SORCS3: variants seen among roughly 807,000 people sequenced by gnomAD.
SORCS3 encodes the protein sortilin related VPS10 domain containing receptor 3.
SORCS3 carries 57 observed loss-of-function variants against 146.3 expected under a neutral mutation model. The observed-to-expected ratio is 0.39, with a 90% CI of 0.31 to 0.49. SORCS3 has a LOEUF of 0.49. SORCS3 is among the 20% of genes least tolerant of loss of function. The pLI, the probability that SORCS3 is intolerant of heterozygous loss-of-function variation, is 0.92. For synonymous variants in SORCS3, 653 were observed against 618.5 expected, an observed-to-expected ratio of 1.06 and a Z score of -0.83; for missense variants, 1,341 against 1,575.5, an observed-to-expected ratio of 0.85 and a Z score of 2.52.
intron 14 of SORCS3, among the ~76,000 whole-genome samples, chr10:105,193,397 A>G (rs1335365723): frequency 6.6e-6 from 1 of 152,218 alleles, no homozygotes; most frequent in Admixed American, 6.6e-5. Context: ...TCTATCATTA[A>G]TCAACCCAGA....
chr10:105,264,482 T>A lies in SORCS3; in HGVS notation c.*1108T>A, dbSNP rs1432603443. 6.6e-6 allele frequency: 1 copy of A among 152,288 alleles called. No homozygotes were observed. The highest frequency in any genetic ancestry group is 6.5e-5 in the Admixed American group (1 of 15,280). 9.4% of individuals were successfully genotyped at this position (152,288 alleles called of 1,614,324 possible). On this transcript the variant is annotated 3_prime_UTR_variant, in exon 27 of 27. Transcript: ENST00000369701. ...TCAGAAAAGTCCCCTGGGCACTAGG[T>A]AAAGCCCAGTGAATGTCTCTTGGCA...
rs11192239 is a variant in SORCS3, at chr10:104,938,083, C to T, written c.795+22151C>T. On this transcript the variant is annotated intron_variant, in intron 3 of 26. Coordinates refer to ENST00000369701, the MANE Select transcript of SORCS3 (RefSeq NM_014978.3). Reference sequence around the variant, plus strand: ...CACTTCCAGGACTCCCTATGCATCACGAGCCCATTCAGCCTCAGCTTGCTT... The same window carrying T: ...CACTTCCAGGACTCCCTATGCATCATGAGCCCATTCAGCCTCAGCTTGCTT... Among the ~76,000 whole-genome samples, 768 of 152,266 alleles carry T rather than the reference C, an allele frequency of 5.0e-3. 7 individuals are homozygous for T. The highest frequency in any genetic ancestry group is 0.025 in the East Asian group (127 of 5,168).
intron 7 of SORCS3, among the ~76,000 whole-genome samples, chr10:105,106,338 C>A (rs2055821679): frequency 6.6e-6 from 1 of 152,208 alleles, no homozygotes; most frequent in Non-Finnish European, 1.5e-5. Context: ...CTCTACCTGA[C>A]CCCTGGTAGT....
At chr10:104,774,481 A>G (rs768408506) in intron 1 of SORCS3, among the ~76,000 whole-genome samples, 6 of 152,212 alleles carry the variant, frequency 3.9e-5, no homozygotes, top group Non-Finnish European at 8.8e-5. Flanking sequence ...TGTGTTGATT[A>G]CTTAAGGATA....
intron 1 of SORCS3, among the ~76,000 whole-genome samples, chr10:104,828,988 C>G (rs779903733): frequency 1.1e-4 from 16 of 152,130 alleles, no homozygotes; most frequent in Non-Finnish European, 2.4e-4. Context: ...AGAGTTTAAA[C>G]TTTTTCCATC....
chr10:104,742,380 A>G (rs1034257016), intron 1 of SORCS3, among the ~76,000 whole-genome samples: 1 of 152,188 alleles, frequency 6.6e-6, no homozygotes, highest in African/African-American at 2.4e-5. Context: ...GGCAGCATAG[A>G]AGGGGGTCTC....
At chr10:105,173,917 T>C (rs963990287) in intron 13 of SORCS3, among the ~76,000 whole-genome samples, 1 of 152,212 alleles carries the variant, frequency 6.6e-6, no homozygotes, top group Admixed American at 6.5e-5. Context: ...AGAAAGGGCT[T>C]TCTTAAATTT....
chr10:105,083,498 A>T (rs2055639087), intron 5 of SORCS3, among the ~76,000 whole-genome samples: 1 of 152,048 alleles, frequency 6.6e-6, no homozygotes, highest in African/African-American at 2.4e-5. Context: ...CTGAGCAGGC[A>T]TGCCTCTCCT....
chr10:105,096,201 A>G (rs1038228135), intron 6 of SORCS3, among the ~76,000 whole-genome samples: 1 of 152,056 alleles, frequency 6.6e-6, no homozygotes, highest in Non-Finnish European at 1.5e-5. Context: ...TCAATGAAGT[A>G]TCTCCTGGGA....
At chr10:105,109,345 T>C (rs567668634) in intron 7 of SORCS3, among the ~76,000 whole-genome samples, 1 of 152,268 alleles carries the variant, frequency 6.6e-6, no homozygotes, top group East Asian at 1.9e-4. Flanking sequence ...TCTTGTCAGA[T>C]TCCTTTTTCC....
At chr10:104,903,337 TG>T (rs1268077734) in intron 2 of SORCS3, among the ~76,000 whole-genome samples, 2 of 152,162 alleles carry the variant, frequency 1.3e-5, no homozygotes, top group African/African-American at 4.8e-5. Flanking sequence ...GCCAGAGTCT[TG>T]ATCCTTGACC....
In SORCS3 at chr10:105,013,795, C is replaced by G. The variant is rs373494779; in HGVS notation, c.955-29260C>G. On this transcript the variant is annotated intron_variant, in intron 4 of 26. Transcript: ENST00000369701. ...CAATACAAATCAATCAAAATTGCAACAGGTGCTTATAGGAACTTATCAAAC... is the reference window on the plus strand; with the variant it reads ...CAATACAAATCAATCAAAATTGCAAGAGGTGCTTATAGGAACTTATCAAAC... 9.2e-5 allele frequency among the ~76,000 whole-genome samples: 14 copies of G among 152,122 alleles called. No individual in the cohort carries two copies. The South Asian group carries it at 2.9e-3, about 32-fold the overall frequency.
intron 1 of SORCS3, among the ~76,000 whole-genome samples, chr10:104,693,419 A>T (rs942161967): frequency 1.3e-5 from 2 of 152,212 alleles, no homozygotes; most frequent in African/African-American, 4.8e-5. Context: ...GTCTTTAAAG[A>T]CAGAAAAGCA....
intron 1 of SORCS3, among the ~76,000 whole-genome samples, chr10:104,827,963 C>A (rs1045193875): frequency 4.6e-5 from 7 of 152,170 alleles, no homozygotes; most frequent in African/African-American, 7.2e-5. Context: ...TCTTAGACTT[C>A]ATGGAACTGA....
intron 3 of SORCS3, among the ~76,000 whole-genome samples, chr10:104,966,491 T>G (rs2054826987): frequency 6.6e-6 from 1 of 152,208 alleles, no homozygotes; most frequent in Non-Finnish European, 1.5e-5. Flanking sequence ...ATTATAGCCT[T>G]TCTTTTTTTA....
At chr10:104,903,606 C>T (rs1249087966) in intron 2 of SORCS3, among the ~76,000 whole-genome samples, 2 of 152,068 alleles carry the variant, frequency 1.3e-5, no homozygotes, top group Non-Finnish European at 2.9e-5. Context: ...CTCTTGGGAC[C>T]CAGGAGTTGT....
At chr10:105,118,712 A>G (rs1278211944) in intron 7 of SORCS3, among the ~76,000 whole-genome samples, 1 of 152,134 alleles carries the variant, frequency 6.6e-6, no homozygotes, top group Non-Finnish European at 1.5e-5. Context: ...TGGGAACTGG[A>G]GTAAAGGTCA....
At chr10:104,719,052 C>T (rs2016512540) in intron 1 of SORCS3, among the ~76,000 whole-genome samples, 2 of 151,774 alleles carry the variant, frequency 1.3e-5, no homozygotes, top group Admixed American at 1.3e-4. Context: ...TCAATATATC[C>T]AAATCTTATT....
chr10:105,136,963 T>G (rs544566325), intron 7 of SORCS3, among the ~76,000 whole-genome samples: 1 of 152,284 alleles, frequency 6.6e-6, no homozygotes, highest in African/African-American at 2.4e-5. Flanking sequence ...AGTCTGTGAT[T>G]GTGCAGGGCT....
Sources: gnomAD v4.1 joint callset for allele counts (sites outside exome capture counted in the v4.1 genomes callset) on GRCh38, gnomAD v4.1.1 for gene constraint, MANE v1.5 for transcripts, NCBI Gene and HGNC (gene_info 2026-07-23, HGNC 2026-07-21) for gene names.